The following MAP3K20 variants were observed in gnomAD, a reference collection of about 807,000 sequenced individuals.
The protein encoded by MAP3K20 is mitogen-activated protein kinase kinase kinase 20.
A neutral mutation model predicts 85.7 loss-of-function variants in MAP3K20; 40 were observed. The ratio of observed to expected loss-of-function variants is 0.47; its 90% CI spans 0.36 to 0.61. MAP3K20 has a LOEUF of 0.61. Ranked by LOEUF, MAP3K20 falls within the 20% of genes least tolerant of loss-of-function variation. MAP3K20 has a pLI of 0.00. For synonymous variants in MAP3K20, 325 were observed against 327.7 expected (o/e 0.99, Z 0.09); for missense variants, 817 against 961.7 (o/e 0.85, Z 1.99).
intron 2 of MAP3K20, among the ~76,000 whole-genome samples, chr2:173,123,426 T>C (rs1688354840): frequency 6.6e-6 from 1 of 152,226 alleles, no homozygotes; most frequent in Non-Finnish European, 1.5e-5. Flanking sequence ...TGGGTGATGC[T>C]GTGTACTGTG....
chr2:173,088,209 C>T (rs1687194938), intron 1 of MAP3K20, among the ~76,000 whole-genome samples: 1 of 152,150 alleles, frequency 6.6e-6, no homozygotes, highest in South Asian at 2.1e-4. Context: ...CAACTGATAA[C>T]TCTAAGAGAA....
chr2:173,146,443 C>T (rs1042536631), intron 2 of MAP3K20, among the ~76,000 whole-genome samples: 1 of 152,126 alleles, frequency 6.6e-6, no homozygotes, highest in Non-Finnish European at 1.5e-5. Flanking sequence ...ATCCATGTAA[C>T]ATGTACAATT....
intron 5 of MAP3K20, among the ~76,000 whole-genome samples, chr2:173,189,693 A>G (rs1690592754): frequency 6.6e-6 from 1 of 152,200 alleles, no homozygotes; most frequent in African/African-American, 2.4e-5. Flanking sequence ...TGCCCAAGCC[A>G]GAAATGAGAT....
At chr2:173,225,853 G>A in intron 11 of MAP3K20, 3 of 983,678 alleles carry the variant, frequency 3.0e-6, no homozygotes, top group Non-Finnish European at 3.6e-6. Context: ...GCAACTTGAT[G>A]AAACAGCCAA....
At position 173,116,341 on chromosome 2, in the gene MAP3K20, T is replaced by C. The variant is rs577970733; in HGVS notation, c.159+25151T>C. 3.3e-5 allele frequency among the ~76,000 whole-genome samples: 5 copies of C among 152,334 alleles called. No homozygotes were observed. The South Asian group carries it at 1.0e-3, about 32-fold the overall frequency. On this transcript the variant is annotated intron_variant, in intron 2 of 19. Coordinates refer to ENST00000375213, the MANE Select transcript of MAP3K20 (RefSeq NM_016653.3). ...GTATACAATATATTGTTACAAACTGTATCACCACAATGTGCAATAGATCTC... is the reference window on the plus strand; with the variant it reads ...GTATACAATATATTGTTACAAACTGCATCACCACAATGTGCAATAGATCTC...
chr2:173,248,080 A>G (rs983505477), intron 16 of MAP3K20, among the ~76,000 whole-genome samples: 1 of 152,214 alleles, frequency 6.6e-6, no homozygotes, highest in East Asian at 1.9e-4. Flanking sequence ...GCATCGCATG[A>G]TCAAAAAATG....
Position 173,094,180 on chromosome 2 carries a change from T to C in MAP3K20, c.159+2990T>C, listed in dbSNP as rs184612219. Reference sequence around the variant, plus strand: ...TAAACCTAGAGAACAATTAAAAGAATACTACTATGAACTCTAGTACGTTTT... The same window carrying C: ...TAAACCTAGAGAACAATTAAAAGAACACTACTATGAACTCTAGTACGTTTT... On this transcript the variant is annotated intron_variant, in intron 2 of 19. Coordinates refer to ENST00000375213, the MANE Select transcript of MAP3K20 (RefSeq NM_016653.3). Among the ~76,000 whole-genome samples, 706 of 150,826 alleles carry C rather than the reference T, an allele frequency of 4.7e-3. 8 individuals are homozygous for C. Among genetic ancestry groups the C allele is most frequent in the African/African-American group, 0.016 (672 of 41,148 alleles).
At position 173,266,276 on chromosome 2, in the gene MAP3K20, G is replaced by A; in HGVS notation, c.1929G>A (p.Leu643=). The A allele has an allele frequency of 6.2e-7, 1 of 1,614,064 alleles. No individual in the cohort carries two copies. Among genetic ancestry groups the A allele is most frequent in the East Asian group, 2.2e-5 (1 of 44,880 alleles). ...SRSSSPTQYG[L]TKNFSSLHLN... is the part of the protein sequence containing the mutation. ...GCTCGTCTCCTACTCAGTATGGACT[G>A]ACCAAAAACTTCTCTTCCCTACATC... The change falls in exon 20 of 20, where the codon CTG becomes CTA. Residue 643 remains leucine, a synonymous_variant. Transcript: ENST00000375213.
intron 11 of MAP3K20, among the ~76,000 whole-genome samples, chr2:173,217,921 A>G (rs1684125212): frequency 6.6e-6 from 1 of 152,346 alleles, no homozygotes; most frequent in African/African-American, 2.4e-5. Context: ...TTGAGCTTAC[A>G]TGCTGATATA....
chr2:173,256,161 CT>C (rs1685153070), intron 16 of MAP3K20, among the ~76,000 whole-genome samples: 1 of 152,252 alleles, frequency 6.6e-6, no homozygotes, highest in African/African-American at 2.4e-5. Context: ...GCACCCCCAG[CT>C]TCCTGTTGAA....
chr2:173,237,457 T>C (rs867155701), intron 14 of MAP3K20, among the ~76,000 whole-genome samples: 1 of 152,164 alleles, frequency 6.6e-6, no homozygotes, highest in Non-Finnish European at 1.5e-5. Context: ...CCAATAAGTG[T>C]TCATTACATT....
intron 2 of MAP3K20, among the ~76,000 whole-genome samples, chr2:173,161,978 C>T (rs1401535628): frequency 6.6e-6 from 1 of 152,096 alleles, no homozygotes; most frequent in African/African-American, 2.4e-5. Context: ...TTTTAAATTT[C>T]GTAGTCATAT....
chr2:173,206,250 C>T (rs1057322865), intron 9 of MAP3K20, among the ~76,000 whole-genome samples: 62 of 152,294 alleles, frequency 4.1e-4, no homozygotes, highest in African/African-American at 1.5e-3. Flanking sequence ...ATGGTACATC[C>T]ACCTTACACA....
chr2:173,243,656 C>T (rs1361444636), intron 16 of MAP3K20, among the ~76,000 whole-genome samples: 3 of 152,136 alleles, frequency 2.0e-5, no homozygotes, highest in Non-Finnish European at 2.9e-5. Context: ...CTCGCTCTTT[C>T]GCCCAGGCCA....
At chr2:173,242,562 T>C (rs1333500417) in intron 16 of MAP3K20, among the ~76,000 whole-genome samples, 4 of 152,074 alleles carry the variant, frequency 2.6e-5, no homozygotes, top group African/African-American at 9.7e-5. Context: ...ATGGATAATA[T>C]TTGAAACTGA....
chr2:173,099,491 A>T (rs1265151163), intron 2 of MAP3K20, among the ~76,000 whole-genome samples: 1 of 150,922 alleles, frequency 6.6e-6, no homozygotes, highest in East Asian at 1.9e-4. Context: ...CAGCTGTTTT[A>T]TTTTGTCTTT....
chr2:173,187,381 G>A (rs2106270587), intron 4 of MAP3K20, among the ~76,000 whole-genome samples, 177 bp from the exon 5 acceptor site: 1 of 152,226 alleles, frequency 6.6e-6, no homozygotes, highest in Middle Eastern at 3.4e-3. Flanking sequence ...TTATAAATTT[G>A]ACTTCACATA....
At chr2:173,078,703 T>C (rs1686933085) in intron 1 of MAP3K20, among the ~76,000 whole-genome samples, 1 of 152,212 alleles carries the variant, frequency 6.6e-6, no homozygotes, top group African/African-American at 2.4e-5. Flanking sequence ...TCTTCAATTG[T>C]AATAGGAAAT....
At chr2:173,254,981 G>A (rs1176093308) in intron 16 of MAP3K20, among the ~76,000 whole-genome samples, 1 of 152,200 alleles carries the variant, frequency 6.6e-6, no homozygotes, top group Non-Finnish European at 1.5e-5. Context: ...GTAACAAGCA[G>A]AACCTACTTT....
Sources: allele counts gnomAD v4.1 joint callset (sites outside exome capture counted in the v4.1 genomes callset), GRCh38; gene constraint gnomAD v4.1.1; transcripts MANE v1.5; gene names NCBI Gene and HGNC (gene_info 2026-07-23, HGNC 2026-07-21).